The following TYROBP variants were observed in gnomAD, a reference collection of about 807,000 sequenced individuals.
TYROBP encodes TYRO protein tyrosine kinase-binding protein.
In TYROBP, 14 loss-of-function variants were observed where a neutral mutation model predicts 17.1. The ratio of observed to expected loss-of-function variants is 0.82; its 90% CI spans 0.54 to 1.28. The LOEUF (loss-of-function observed/expected upper bound fraction) is 1.28. Among genes scored for constraint, TYROBP ranks in the 50% most tolerant of loss-of-function variants. The probability of loss-of-function intolerance (pLI) is 0.00; values close to 1 mark genes in which losing one functional copy is unlikely to be tolerated. For missense variants in TYROBP, 161 were observed against 151.4 expected, an observed-to-expected ratio of 1.06 and a Z score of -0.33; for synonymous variants, 73 against 67.4, an observed-to-expected ratio of 1.08 and a Z score of -0.41.
chr19:35,907,792 C>T (rs761288020), intron 1 of TYROBP, 30 bp from the exon 2 acceptor site: 14 of 1,612,636 alleles, frequency 8.7e-6, no homozygotes, highest in Non-Finnish European at 1.2e-5. Context: ...TAAACTGAGG[C>T]ACAGAGTTAT....
intron 3 of TYROBP, 90 bp from the exon 4 acceptor site, chr19:35,907,354 A>C (rs762916364): frequency 6.2e-7 from 1 of 1,606,018 alleles, no homozygotes; most frequent in Admixed American, 1.7e-5. Flanking sequence ...CTCCATTACC[A>C]TCCCTTTGGA....
intron 4 of TYROBP, among the ~76,000 whole-genome samples, chr19:35,905,745 G>A (rs138937131): frequency 6.6e-6 from 1 of 151,856 alleles, no homozygotes; most frequent in East Asian, 1.9e-4. Context: ...ACGAGGTCAG[G>A]AGATTGAGAC....
intron 4 of TYROBP, among the ~76,000 whole-genome samples, chr19:35,905,941 A>C (rs1975711758): frequency 6.8e-6 from 1 of 146,438 alleles, no homozygotes; most frequent in South Asian, 2.2e-4. Context: ...TGACAGAATG[A>C]GACTCCATCT....
At chr19:35,905,489 C>T (rs1975698466) in intron 4 of TYROBP, among the ~76,000 whole-genome samples, 1 of 152,078 alleles carries the variant, frequency 6.6e-6, no homozygotes, top group Non-Finnish European at 1.5e-5. Context: ...GGATAGATGA[C>T]TAGATTCTCT....
chr19:35,905,584 A>T (rs1975700582), intron 4 of TYROBP, among the ~76,000 whole-genome samples: 2 of 151,836 alleles, frequency 1.3e-5, no homozygotes, highest in Admixed American at 1.3e-4. Context: ...AGACCGAGGT[A>T]ACAGGATCTC....
At chr19:35,906,111 A>G (rs1325325074) in intron 4 of TYROBP, among the ~76,000 whole-genome samples, 1 of 144,900 alleles carries the variant, frequency 6.9e-6, no homozygotes, top group African/African-American at 2.6e-5. Context: ...ACATAGTGAG[A>G]CCCCTGTCTT....
chr19:35,905,187 G>C (rs1374140876), intron 4 of TYROBP, among the ~76,000 whole-genome samples: 1 of 152,102 alleles, frequency 6.6e-6, no homozygotes, highest in Admixed American at 6.6e-5. Context: ...AGGGCCCCTC[G>C]GTCTTCTGGA....
chr19:35,908,283 C>T lies in TYROBP; in HGVS notation c.-55G>A, dbSNP rs763081510. The T allele has an allele frequency of 4.6e-6, 7 of 1,517,262 alleles. No homozygotes were observed. The highest frequency in any genetic ancestry group is 1.4e-5 in the African/African-American group (1 of 72,962). The allele number at this position is 1,517,262 out of a possible 1,614,324, so 94.0% of individuals were successfully genotyped here. A position where few individuals can be genotyped will look rare whatever the true frequency, so the allele number is the denominator to read the frequency against. On this transcript the variant is annotated 5_prime_UTR_variant, in exon 1 of 5. Transcript: ENST00000262629. ...TAAGGGCCGGTGGGATGTGGCGCAG[C>T]GTCCAGGCAAGTGAAGGAGGAAGTC...
intron 3 of TYROBP, 65 bp downstream of exon 3, chr19:35,907,381 G>A: frequency 1.2e-6 from 2 of 1,603,980 alleles, no homozygotes; most frequent in Middle Eastern, 3.3e-4. Context: ...AGATCTGGGA[G>A]TTTACCCAGC....
Position 35,908,237 on chromosome 19 carries a change from A to C in TYROBP, c.-9T>G. 1 of 1,613,630 alleles carries C rather than the reference A, an allele frequency of 6.2e-7. No individual in the cohort carries two copies. Among genetic ancestry groups the C allele is most frequent in the Non-Finnish European group, 8.5e-7 (1 of 1,179,670 alleles). ...GGTTCAAGTCCCCCCATGAAGCCGGATGCTGCTGGACACCACAGTGTAAGG... is the reference window on the plus strand; with the variant it reads ...GGTTCAAGTCCCCCCATGAAGCCGGCTGCTGCTGGACACCACAGTGTAAGG... On this transcript the variant is annotated 5_prime_UTR_variant, in exon 1 of 5. Transcript: ENST00000262629.
In TYROBP at chr19:35,908,150, C is replaced by T. The variant is rs1048656394; in HGVS notation, c.61+18G>A. 1.7e-5 allele frequency: 28 copies of T among 1,612,604 alleles called. No homozygotes were observed. Among genetic ancestry groups the T allele is most frequent in the Non-Finnish European group, 2.1e-5 (25 of 1,179,212 alleles). ...AGCCCAGGGACCCGGGAGGCAGCCA[C>T]GGAAGCCCCTAACTCACCACTTACA... is the stretch of plus-strand genomic sequence containing the variant. On this transcript the variant is annotated intron_variant, in intron 1 of 4. Transcript: ENST00000262629.
chr19:35,906,836 C>T (rs1252765218), intron 4 of TYROBP, among the ~76,000 whole-genome samples: 1 of 151,866 alleles, frequency 6.6e-6, no homozygotes, highest in East Asian at 1.9e-4. Context: ...AAAGGATTCT[C>T]CTGCCTCAGC....
intron 4 of TYROBP, 100 bp from the exon 5 acceptor site, chr19:35,904,734 G>T: frequency 1.9e-6 from 2 of 1,051,354 alleles, no homozygotes; most frequent in Non-Finnish European, 2.9e-6. Context: ...CAGCCTTATA[G>T]CCATGAAAGA....
chr19:35,908,083 G>C, intron 1 of TYROBP, 85 bp downstream of exon 1: 1 of 1,236,440 alleles, frequency 8.1e-7, no homozygotes, highest in Non-Finnish European at 1.2e-6. Context: ...ACCCACTTTT[G>C]GTTCTCTCGT....
At chr19:35,905,883 G>A (rs1975709934) in intron 4 of TYROBP, among the ~76,000 whole-genome samples, 3 of 151,204 alleles carry the variant, frequency 2.0e-5, no homozygotes, top group Non-Finnish European at 4.4e-5. Context: ...AACCTGGGAG[G>A]TGGAGGTTGC....
At position 35,907,248 on chromosome 19, in the gene TYROBP, CTG is replaced by C. The variant is rs1434248321; in HGVS notation, c.244_245del (p.Gln82AlafsTer4). ...AAGGCGACTCGGTCTCAGTGATACGCTGTTTCCGGGTCGCTGCTGGAGGTGAG... is the reference window on the plus strand; with the variant it reads ...AAGGCGACTCGGTCTCAGTGATACGCTTTCCGGGTCGCTGCTGGAGGTGAG... ...RGAAEAATRK[Q>X]RITETESPYQ... On this transcript the variant is annotated frameshift_variant, in exon 4 of 5. Transcript: ENST00000262629. LOFTEE classifies it high-confidence loss of function. 1.2e-6 allele frequency: 2 copies of C among 1,609,010 alleles called. No individual in the cohort carries two copies. Among genetic ancestry groups the C allele is most frequent in the Non-Finnish European group, 1.7e-6 (2 of 1,178,038 alleles).
intron 4 of TYROBP, among the ~76,000 whole-genome samples, chr19:35,906,521 A>G (rs988109470): frequency 5.9e-5 from 9 of 152,088 alleles, no homozygotes; most frequent in Non-Finnish European, 1.3e-4. Context: ...AAGGGTCCTC[A>G]AACCCAAAAA....
At chr19:35,907,835 G>T in intron 1 of TYROBP, 73 bp from the exon 2 acceptor site, 1 of 1,529,394 alleles carries the variant, frequency 6.5e-7, no homozygotes, top group Non-Finnish European at 9.0e-7. Context: ...TTAGAAGCCA[G>T]GGAAGGTGGA....
chr19:35,905,008 A>C (rs1450784851), intron 4 of TYROBP, among the ~76,000 whole-genome samples: 1 of 151,324 alleles, frequency 6.6e-6, no homozygotes, highest in African/African-American at 2.4e-5. Flanking sequence ...TGTGCCTCCC[A>C]AAATTATTTT....
Sources: allele counts gnomAD v4.1 joint callset (sites outside exome capture counted in the v4.1 genomes callset), GRCh38; gene constraint gnomAD v4.1.1; transcripts MANE v1.5; gene names NCBI Gene and HGNC (gene_info 2026-07-23, HGNC 2026-07-21).